Variants in G3BP1 observed in about 807,000 individuals in gnomAD.
The protein encoded by G3BP1 is ras GTPase-activating protein-binding protein 1.
In G3BP1, 35 loss-of-function variants were observed where a neutral mutation model predicts 58.6. That is an observed-to-expected ratio of 0.60 (90% CI 0.46 to 0.79). The LOEUF (loss-of-function observed/expected upper bound fraction) is 0.79, where lower values mean the gene tolerates loss of function less well. G3BP1 is among the 30% of genes least tolerant of loss of function. The probability of loss-of-function intolerance (pLI) is 0.00; values close to 1 mark genes in which losing one functional copy is unlikely to be tolerated. For synonymous variants in G3BP1, 191 were observed against 195.4 expected, an observed-to-expected ratio of 0.98 and a Z score of 0.19; for missense variants, 523 against 580.8, an observed-to-expected ratio of 0.90 and a Z score of 1.02.
intron 1 of G3BP1, among the ~76,000 whole-genome samples, chr5:151,780,199 TACTC>T (rs1170643294): frequency 6.6e-6 from 1 of 152,232 alleles, no homozygotes; most frequent in East Asian, 1.9e-4. Context: ...CCTGGTTACT[TACTC>T]TGTTTTGTTT....
chr5:151,811,638 T>C lies in G3BP1; in HGVS notation c.*7547T>C, dbSNP rs1763019772. On this transcript the variant is annotated 3_prime_UTR_variant, in exon 12 of 12. Transcript: ENST00000356245. Reference sequence around the variant, plus strand: ...AACTGCAGAAATAGATTTTTTTTTTTTACAAGCCAAAAAATAACTGCCATA... The same window carrying C: ...AACTGCAGAAATAGATTTTTTTTTTCTACAAGCCAAAAAATAACTGCCATA... 6.6e-6 allele frequency: 1 copy of C among 152,064 alleles called. No homozygotes were observed. Among genetic ancestry groups the C allele is most frequent in the African/African-American group, 2.4e-5 (1 of 41,430 alleles). 9.4% of individuals were successfully genotyped at this position (152,064 alleles called of 1,614,324 possible).
intron 1 of G3BP1, among the ~76,000 whole-genome samples, chr5:151,785,881 G>A (rs974592730): frequency 6.6e-6 from 1 of 152,212 alleles, no homozygotes; most frequent in South Asian, 2.1e-4. Flanking sequence ...AAATGTGATA[G>A]TTTGTCCCCG....
chr5:151,788,089 A>G (rs1762581730), intron 2 of G3BP1, among the ~76,000 whole-genome samples: 1 of 151,828 alleles, frequency 6.6e-6, no homozygotes, highest in Admixed American at 6.6e-5. Context: ...ACGCCCAGCT[A>G]ATTTTTTGTA....
At chr5:151,789,380 T>A (rs1762608685) in intron 2 of G3BP1, among the ~76,000 whole-genome samples, 1 of 151,458 alleles carries the variant, frequency 6.6e-6, no homozygotes, top group Non-Finnish European at 1.5e-5. Context: ...AAAAAAAAAA[T>A]GTATTTATCT....
chr5:151,795,355 A>G, intron 5 of G3BP1, 124 bp from the exon 6 acceptor site: 1 of 605,608 alleles, frequency 1.7e-6, no homozygotes, highest in African/African-American at 1.9e-5. Context: ...GATTTTACCA[A>G]ATTGTCCTAC....
chr5:151,791,888 C>T, intron 4 of G3BP1: 1 of 338,686 alleles, frequency 3.0e-6, no homozygotes, highest in Non-Finnish European at 5.8e-6. Context: ...AACTCCTGAC[C>T]TCAAGTGATC....
rs1345719379 is a variant in G3BP1, at chr5:151,794,045, A to C, written c.352-114A>C. 4.6e-6 allele frequency: 3 copies of C among 659,064 alleles called. No homozygotes were observed. The African/African-American group carries it at 5.5e-5, about 12-fold the overall frequency. 40.8% of individuals were successfully genotyped at this position (659,064 alleles called of 1,614,324 possible). On this transcript the variant is annotated intron_variant, in intron 4 of 11. Coordinates refer to ENST00000356245, the MANE Select transcript of G3BP1 (RefSeq NM_005754.3). ...CAACAACAAAAACTGAAATGTCTCCAGATATTGCCAGATGTCTCATGGAGG... is the reference window on the plus strand; with the variant it reads ...CAACAACAAAAACTGAAATGTCTCCCGATATTGCCAGATGTCTCATGGAGG...
At position 151,803,972 on chromosome 5, in the gene G3BP1, C is replaced by T; in HGVS notation, c.1282C>T (p.Leu428Phe). The T allele has an allele frequency of 6.2e-7, 1 of 1,613,956 alleles. No homozygotes were observed. Among genetic ancestry groups the T allele is most frequent in the Non-Finnish European group, 8.5e-7 (1 of 1,179,842 alleles). Residue 428 changes from leucine (L) to phenylalanine (F), a missense_variant, in exon 12 of 12, where the codon CTT becomes TTT. Around this residue, in one of 2 missense-constraint regions of G3BP1, gnomAD observed 125 missense variants for 181.7 expected, o/e 0.69. Transcript: ENST00000356245. Reference sequence around the variant, plus strand: ...GGAAGGCGACCGACGAGATAATCGCCTTCGGGGACCTGGAGGCCCTCGAGG... The same window carrying T: ...GGAAGGCGACCGACGAGATAATCGCTTTCGGGGACCTGGAGGCCCTCGAGG... ...AREGDRRDNRLRGPGGPRGGL... is the reference protein window; with the variant it reads ...AREGDRRDNRFRGPGGPRGGL...
intron 7 of G3BP1, among the ~76,000 whole-genome samples, chr5:151,798,584 A>G (rs565890134): frequency 9.8e-5 from 15 of 152,344 alleles, no homozygotes; most frequent in East Asian, 3.9e-4. Context: ...TGTTTGTACA[A>G]TGGATTGGAT....
In G3BP1 at chr5:151,806,652, G is replaced by T. The variant is rs967037424; in HGVS notation, c.*2561G>T. The T allele has an allele frequency of 1.3e-5, 2 of 152,076 alleles. No homozygotes were observed. Among genetic ancestry groups the T allele is most frequent in the Non-Finnish European group, 2.9e-5 (2 of 68,012 alleles). 9.4% of individuals were successfully genotyped at this position (152,076 alleles called of 1,614,324 possible). A position where few individuals can be genotyped will look rare whatever the true frequency, so the allele number is the denominator to read the frequency against. On this transcript the variant is annotated 3_prime_UTR_variant, in exon 12 of 12. Transcript: ENST00000356245. ...TGCTGGAAAATCATTATAAGTTAGG[G>T]CAACATTTTCTATAGGTGGCAGCAG...
chr5:151,779,004 C>T (rs551599315), intron 1 of G3BP1, among the ~76,000 whole-genome samples: 2 of 151,588 alleles, frequency 1.3e-5, no homozygotes, highest in South Asian at 2.1e-4. Context: ...TTGCGGTGAG[C>T]GCCACTGCAC....
chr5:151,776,176 G>A (rs1394203241), intron 1 of G3BP1, among the ~76,000 whole-genome samples: 1 of 152,126 alleles, frequency 6.6e-6, no homozygotes, highest in African/African-American at 2.4e-5. Flanking sequence ...TGGATTTGAT[G>A]TTAAGGATTA....
chr5:151,794,381 T>C, intron 5 of G3BP1, 132 bp downstream of exon 5: 2 of 613,064 alleles, frequency 3.3e-6, no homozygotes, highest in South Asian at 4.1e-5. Context: ...TTATGGTATA[T>C]GAAGAGTCTG....
chr5:151,799,143 A>G, intron 7 of G3BP1, 69 bp from the exon 8 acceptor site: 1 of 801,556 alleles, frequency 1.2e-6, no homozygotes. Context: ...ACAGGAAATC[A>G]AGAGTTAGTA....
intron 1 of G3BP1, among the ~76,000 whole-genome samples, chr5:151,786,182 T>TG (rs1189677358): frequency 2.6e-5 from 4 of 151,846 alleles, no homozygotes; most frequent in Admixed American, 1.3e-4. Context: ...CCAGCTACTA[T>TG]GGAGGCTGAG....
At chr5:151,791,807 C>G (rs965008392) in intron 4 of G3BP1, 2 of 268,934 alleles carry the variant, frequency 7.4e-6, no homozygotes, top group African/African-American at 2.3e-5. Flanking sequence ...TAGGCGTGTG[C>G]TACCGTACTC....
At position 151,805,765 on chromosome 5, in the gene G3BP1, A is replaced by C. The variant is rs559682244; in HGVS notation, c.*1674A>C. 1 of 152,298 alleles carries C rather than the reference A, an allele frequency of 6.6e-6. No individual in the cohort carries two copies. The highest frequency in any genetic ancestry group is 1.9e-4 in the East Asian group (1 of 5,190). The allele number at this position is 152,298 out of a possible 1,614,324, so 9.4% of individuals were successfully genotyped here. A position where few individuals can be genotyped will look rare whatever the true frequency, so the allele number is the denominator to read the frequency against. On this transcript the variant is annotated 3_prime_UTR_variant, in exon 12 of 12. Transcript: ENST00000356245. The stretch of plus-strand genomic sequence containing the variant: ...TTGGTAACCACTTTTGGCCCAGATC[A>C]CTGATAATAGGAAGAAATACAACTT...
intron 11 of G3BP1, among the ~76,000 whole-genome samples, chr5:151,803,530 T>C (rs1176232046): frequency 6.6e-6 from 1 of 152,086 alleles, no homozygotes; most frequent in East Asian, 1.9e-4. Flanking sequence ...TCTCGCTCTT[T>C]TTCCCAGACT....
chr5:151,777,102 G>A (rs568943066), intron 1 of G3BP1, among the ~76,000 whole-genome samples: 60 of 152,292 alleles, frequency 3.9e-4, no homozygotes, highest in Admixed American at 3.6e-3. Flanking sequence ...AATGCGAAGA[G>A]TTTGGAAAAA....
Sources: gnomAD v4.1 joint callset for allele counts (sites outside exome capture counted in the v4.1 genomes callset) on GRCh38, gnomAD v4.1.1 for gene constraint, gnomAD v4.1.1 regional missense constraint, MANE v1.5 for transcripts, NCBI Gene and HGNC (gene_info 2026-07-23, HGNC 2026-07-21) for gene names.